CYFIP2: variants seen among roughly 807,000 people sequenced by gnomAD.
CYFIP2 encodes the protein cytoplasmic FMR1 interacting protein 2, also known as cytoplasmic FMR1-interacting protein 2.
In CYFIP2, 29 loss-of-function variants were observed where a neutral mutation model predicts 158.7. The observed-to-expected ratio is 0.18, with a 90% CI of 0.14 to 0.25. The LOEUF (loss-of-function observed/expected upper bound fraction) is 0.25. Ranked by LOEUF, CYFIP2 falls within the 10% of genes least tolerant of loss-of-function variation. The probability of loss-of-function intolerance (pLI) is 1.00; values close to 1 mark genes in which losing one functional copy is unlikely to be tolerated. For missense variants in CYFIP2, 852 were observed against 1,639.5 expected (o/e 0.52, Z 8.29); for synonymous variants, 585 against 617.6 (o/e 0.95, Z 0.78).
intron 19 of CYFIP2, among the ~76,000 whole-genome samples, chr5:157,329,924 G>T (rs1234057042): frequency 6.6e-6 from 1 of 152,174 alleles, no homozygotes. Flanking sequence ...GGCCCTACCT[G>T]GTTTGGCCCT....
intron 4 of CYFIP2, among the ~76,000 whole-genome samples, chr5:157,295,065 C>T (rs921610698): frequency 2.0e-5 from 3 of 152,224 alleles, no homozygotes; most frequent in African/African-American, 7.2e-5. Flanking sequence ...ACTTAAAACA[C>T]ATTTGTTCAA....
At chr5:157,334,594 A>G (rs991867254) in intron 21 of CYFIP2, among the ~76,000 whole-genome samples, 2 of 152,172 alleles carry the variant, frequency 1.3e-5, no homozygotes, top group Admixed American at 1.3e-4. Flanking sequence ...CCAGTAAGAC[A>G]TATTATTGTT....
chr5:157,274,949 A>T (rs544598932), intron 1 of CYFIP2, among the ~76,000 whole-genome samples: 29 of 152,098 alleles, frequency 1.9e-4, no homozygotes, highest in African/African-American at 4.8e-4. Flanking sequence ...ATTTAAAAAA[A>T]TTTTTTTGTA....
intron 29 of CYFIP2, 101 bp from the exon 30 acceptor site, chr5:157,390,420 C>G (rs1767166983): frequency 8.6e-7 from 1 of 1,165,498 alleles, no homozygotes; most frequent in Non-Finnish European, 1.2e-6. Flanking sequence ...CAAAGACAGG[C>G]CTGCTTAGTA....
At chr5:157,322,461 T>G (rs1760673684) in intron 15 of CYFIP2, among the ~76,000 whole-genome samples, 1 of 152,220 alleles carries the variant, frequency 6.6e-6, no homozygotes, top group African/African-American at 2.4e-5. Flanking sequence ...TTTCAGAGAA[T>G]TAGAGTTGGA....
intron 21 of CYFIP2, among the ~76,000 whole-genome samples, chr5:157,337,141 T>C (rs1329312041): frequency 6.6e-6 from 1 of 152,168 alleles, no homozygotes; most frequent in Non-Finnish European, 1.5e-5. Context: ...TATTTTTTAT[T>C]TATTTAGTAC....
chr5:157,321,373 C>T lies in CYFIP2; in HGVS notation c.1671+571C>T, dbSNP rs147984697. Among the ~76,000 whole-genome samples the T allele has an allele frequency of 6.6e-3, 1,007 of 152,286 alleles. 14 individuals carry two copies. Among genetic ancestry groups the T allele is most frequent in the African/African-American group, 0.023 (946 of 41,556 alleles). On this transcript the variant is annotated intron_variant, in intron 15 of 30. Transcript: ENST00000620254. Reference sequence around the variant, plus strand: ...TTAGTTCCACATCCTTCCAAAAGTGCAAGTATTGAAAGCCCTTGTCCCCTT... The same window carrying T: ...TTAGTTCCACATCCTTCCAAAAGTGTAAGTATTGAAAGCCCTTGTCCCCTT...
chr5:157,357,993 A>G (rs144375178), intron 23 of CYFIP2, among the ~76,000 whole-genome samples: 3,563 of 152,216 alleles, frequency 0.023, 47 homozygotes, highest in Non-Finnish European at 0.034. Context: ...GCTTTTTCCC[A>G]CCTGAGCCTC....
intron 1 of CYFIP2, among the ~76,000 whole-genome samples, chr5:157,270,525 G>T (rs147327851): frequency 6.6e-6 from 1 of 152,220 alleles, no homozygotes; most frequent in Non-Finnish European, 1.5e-5. Context: ...GAATATCCGA[G>T]AACTATTTTT....
chr5:157,358,117 C>T (rs1440737267), intron 23 of CYFIP2, among the ~76,000 whole-genome samples: 1 of 152,132 alleles, frequency 6.6e-6, no homozygotes, highest in Non-Finnish European at 1.5e-5. Flanking sequence ...TTAGGTGCTC[C>T]GTAAGCGGCA....
chr5:157,367,436 A>C (rs532594541), intron 26 of CYFIP2, among the ~76,000 whole-genome samples: 1 of 152,296 alleles, frequency 6.6e-6, no homozygotes, highest in African/African-American at 2.4e-5. Context: ...ACTGAGGCCC[A>C]AGAGGGAGCT....
chr5:157,310,052 C>T (rs1397080231), intron 10 of CYFIP2, among the ~76,000 whole-genome samples: 3 of 152,196 alleles, frequency 2.0e-5, no homozygotes, highest in Admixed American at 6.5e-5. Context: ...AGCACAGCCA[C>T]GCCCCTTGTC....
intron 16 of CYFIP2, 133 bp from the exon 17 acceptor site, chr5:157,325,349 A>G: frequency 1.0e-6 from 1 of 956,176 alleles, no homozygotes; most frequent in Non-Finnish European, 1.4e-6. Context: ...AGAGAGCAGG[A>G]TCTACTAATC....
chr5:157,330,262 G>C (rs1218270432), intron 19 of CYFIP2, among the ~76,000 whole-genome samples: 2 of 151,630 alleles, frequency 1.3e-5, no homozygotes, highest in East Asian at 3.9e-4. Context: ...GTGTGTGTGT[G>C]TGTGTGTGTG....
chr5:157,308,277 A>T (rs183838311), intron 9 of CYFIP2, among the ~76,000 whole-genome samples: 3 of 152,136 alleles, frequency 2.0e-5, no homozygotes, highest in East Asian at 1.9e-4. Flanking sequence ...ATGATTAAAG[A>T]CTGGATTTTA....
chr5:157,285,220 G>A (rs1327661373), intron 1 of CYFIP2, 119 bp from the exon 2 acceptor site: 12 of 647,784 alleles, frequency 1.9e-5, no homozygotes, highest in African/African-American at 3.6e-5. Flanking sequence ...GTGAGTGGAA[G>A]TGGCCTCAAT....
intron 20 of CYFIP2, among the ~76,000 whole-genome samples, chr5:157,331,630 G>C (rs2113180627): frequency 6.6e-6 from 1 of 152,092 alleles, no homozygotes; most frequent in South Asian, 2.1e-4. Context: ...TAAGAGGGGG[G>C]AAAAATAGAA....
intron 30 of CYFIP2, among the ~76,000 whole-genome samples, chr5:157,392,554 T>C (rs897791078): frequency 6.6e-6 from 1 of 152,254 alleles, no homozygotes; most frequent in Admixed American, 6.5e-5. Flanking sequence ...ATTTCTGGGC[T>C]CTCTATTCTG....
intron 11 of CYFIP2, 63 bp from the exon 12 acceptor site, chr5:157,314,281 A>G (rs1759962192): frequency 5.1e-6 from 8 of 1,569,918 alleles, no homozygotes; most frequent in South Asian, 4.7e-5. Context: ...GGGGGAATCA[A>G]TGAGATAACA....
Sources: gnomAD v4.1 joint callset for allele counts (sites outside exome capture counted in the v4.1 genomes callset) on GRCh38, gnomAD v4.1.1 for gene constraint, MANE v1.5 for transcripts, NCBI Gene and HGNC (gene_info 2026-07-23, HGNC 2026-07-21) for gene names.